SUGCT: variants seen among roughly 807,000 people sequenced by gnomAD.
The protein encoded by SUGCT is succinyl-CoA:glutarate CoA-transferase.
Under a neutral mutation model 55.0 loss-of-function variants are expected in SUGCT, and 41 were observed. The observed-to-expected ratio is 0.74, with a 90% confidence interval of 0.58 to 0.97. The LOEUF is 0.97. Among genes scored for constraint, SUGCT ranks in the 50% least tolerant of loss-of-function variants. The pLI is 0.00. For missense variants in SUGCT, 568 were observed against 547.8 expected, an observed-to-expected ratio of 1.04 and a Z score of -0.37; for synonymous variants, 187 against 200.4, an observed-to-expected ratio of 0.93 and a Z score of 0.56.
intron 7 of SUGCT, among the ~76,000 whole-genome samples, chr7:40,250,545 A>G (rs990899932): frequency 6.6e-6 from 1 of 152,146 alleles, no homozygotes; most frequent in Non-Finnish European, 1.5e-5. Context: ...GTAAGCATCA[A>G]TGTTGACATC....
chr7:40,475,590 G>A (rs1790621854), intron 11 of SUGCT, among the ~76,000 whole-genome samples: 1 of 152,130 alleles, frequency 6.6e-6, no homozygotes, highest in African/African-American at 2.4e-5. Context: ...CTTCAAAAGA[G>A]TACTTTACAA....
intron 1 of SUGCT, among the ~76,000 whole-genome samples, chr7:40,168,446 C>T (rs920541894): frequency 6.6e-6 from 1 of 152,162 alleles, no homozygotes; most frequent in Non-Finnish European, 1.5e-5. Context: ...ATTTGAAGAA[C>T]AATTTGTAGT....
intron 9 of SUGCT, among the ~76,000 whole-genome samples, chr7:40,442,848 A>C (rs1207091272): frequency 6.6e-6 from 1 of 152,080 alleles, no homozygotes; most frequent in African/African-American, 2.4e-5. Flanking sequence ...CATTAGGTAT[A>C]TCTCCTAATG....
At chr7:40,510,698 A>T (rs950262974) in intron 12 of SUGCT, among the ~76,000 whole-genome samples, 3 of 152,232 alleles carry the variant, frequency 2.0e-5, no homozygotes, top group Non-Finnish European at 4.4e-5. Flanking sequence ...TTACAAAATT[A>T]TATTAATGGA....
chr7:40,611,377 C>T (rs1327037851), intron 12 of SUGCT, among the ~76,000 whole-genome samples: 1 of 152,028 alleles, frequency 6.6e-6, no homozygotes. Context: ...TAAAATAATA[C>T]CCTAGGAAGT....
intron 8 of SUGCT, 67 bp from the exon 9 acceptor site, chr7:40,316,693 A>G (rs1795449175): frequency 9.7e-7 from 1 of 1,028,416 alleles, no homozygotes; most frequent in East Asian, 2.6e-5. Flanking sequence ...TCATAATATA[A>G]CGTTCTCTTT....
chr7:40,185,019 A>G (rs1584280912), intron 3 of SUGCT, among the ~76,000 whole-genome samples: 1 of 152,184 alleles, frequency 6.6e-6, no homozygotes, highest in Non-Finnish European at 1.5e-5. Context: ...GTATATTAGT[A>G]TATTATATTT....
chr7:40,179,414 C>T (rs924512533), intron 1 of SUGCT, among the ~76,000 whole-genome samples: 13 of 152,080 alleles, frequency 8.5e-5, no homozygotes, highest in Non-Finnish European at 8.8e-5. Context: ...CTGCCTCAGC[C>T]TCCCGAGTAG....
chr7:40,219,849 C>A (rs1307320689), intron 6 of SUGCT, among the ~76,000 whole-genome samples: 1 of 152,034 alleles, frequency 6.6e-6, no homozygotes, highest in African/African-American at 2.4e-5. Context: ...TTTGATCCAA[C>A]TTTTTTCCTT....
chr7:40,187,132 G>A (rs960657710), intron 3 of SUGCT, among the ~76,000 whole-genome samples: 8 of 152,142 alleles, frequency 5.3e-5, no homozygotes, highest in South Asian at 2.1e-4. Context: ...CATGTCCTTC[G>A]TAGGGACATG....
intron 8 of SUGCT, among the ~76,000 whole-genome samples, chr7:40,301,004 T>C (rs1379209159): frequency 6.6e-6 from 1 of 152,178 alleles, no homozygotes; most frequent in Non-Finnish European, 1.5e-5. Flanking sequence ...AATAACACAG[T>C]TGTCATGCAA....
At chr7:40,242,636 C>T (rs941976750) in intron 7 of SUGCT, among the ~76,000 whole-genome samples, 1 of 151,848 alleles carries the variant, frequency 6.6e-6, no homozygotes, top group African/African-American at 2.4e-5. Flanking sequence ...TGTATTTGCA[C>T]CTTGCTTCTG....
intron 9 of SUGCT, among the ~76,000 whole-genome samples, chr7:40,407,544 C>G (rs564323252): frequency 5.9e-5 from 9 of 152,034 alleles, no homozygotes; most frequent in Admixed American, 2.0e-4. Context: ...AGCTTCAGTA[C>G]TAAGAAGAAG....
At chr7:40,930,861 T>C in the SUGCT span, among the ~76,000 whole-genome samples, 9 of 152,152 alleles carry the variant, frequency 5.9e-5, no homozygotes, top group Admixed American at 5.9e-4. Context: ...ATCATGTCAC[T>C]TGCAAACAGG....
the SUGCT span, among the ~76,000 whole-genome samples, chr7:40,983,478 AG>A: frequency 6.6e-6 from 1 of 152,198 alleles, no homozygotes; most frequent in Non-Finnish European, 1.5e-5. Flanking sequence ...CTGGCTGCTT[AG>A]CACAAAGTCC....
chr7:40,743,632 T>G (rs1787580245), intron 12 of SUGCT, among the ~76,000 whole-genome samples: 1 of 152,182 alleles, frequency 6.6e-6, no homozygotes, highest in African/African-American at 2.4e-5. Context: ...GGCACATTAG[T>G]ATGTATTTAA....
At chr7:40,225,631 T>C (rs565182584) in intron 6 of SUGCT, among the ~76,000 whole-genome samples, 66 of 152,094 alleles carry the variant, frequency 4.3e-4, no homozygotes, top group African/African-American at 1.6e-3. Context: ...ACACGGGGTT[T>C]CACCATGTTG....
chr7:40,742,055 C>T (rs558493827), intron 12 of SUGCT, among the ~76,000 whole-genome samples: 1 of 152,104 alleles, frequency 6.6e-6, no homozygotes, highest in South Asian at 2.1e-4. Flanking sequence ...CATGGGTGTT[C>T]ATTTTATTAG....
intron 9 of SUGCT, among the ~76,000 whole-genome samples, chr7:40,344,933 T>G (rs1353095627): frequency 6.6e-6 from 1 of 152,184 alleles, no homozygotes; most frequent in African/African-American, 2.4e-5. Context: ...GTTTAGCAAC[T>G]CAGCATTCAG....
Sources: allele counts gnomAD v4.1 joint callset (sites outside exome capture counted in the v4.1 genomes callset), GRCh38; gene constraint gnomAD v4.1.1; transcripts MANE v1.5; gene names NCBI Gene and HGNC (gene_info 2026-07-23, HGNC 2026-07-21).